The following MAPKAP1 variants were observed in gnomAD, a reference collection of about 807,000 sequenced individuals.
MAPKAP1 encodes the protein target of rapamycin complex 2 subunit MAPKAP1.
Under a neutral mutation model 65.7 loss-of-function variants are expected in MAPKAP1, and 20 were observed. The observed-to-expected ratio is 0.30, with a 90% confidence interval of 0.21 to 0.44. The LOEUF (loss-of-function observed/expected upper bound fraction) is 0.44, where lower values mean the gene tolerates loss of function less well. Ranked by LOEUF, MAPKAP1 falls within the 20% of genes least tolerant of loss-of-function variation. The pLI, the probability that MAPKAP1 is intolerant of heterozygous loss-of-function variation, is 1.00. For missense variants in MAPKAP1, 423 were observed against 648.0 expected, an observed-to-expected ratio of 0.65 and a Z score of 3.77; for synonymous variants, 222 against 244.3, an observed-to-expected ratio of 0.91 and a Z score of 0.85.
rs1854424494 is a variant in MAPKAP1 at position 125,484,474 on chromosome 9, G to A, written c.1176C>T (p.His392=). 5 of 1,612,976 alleles carry A rather than the reference G, an allele frequency of 3.1e-6. No homozygotes were observed. Among genetic ancestry groups the A allele is most frequent in the Admixed American group, 1.7e-5 (1 of 59,880 alleles). ...GTACGTCGGTTGTGAATCGCAGTCT[G>A]TGGATCATGCTGACTTTGAATGACT... The part of the protein sequence containing the change: ...HYKSFKVSMI[H]RLRFTTDVQL... The change falls in exon 9 of 12, where the codon CAC becomes CAT. Residue 392 remains histidine (H), a synonymous_variant. Coordinates refer to ENST00000265960, the MANE Select transcript of MAPKAP1 (RefSeq NM_001006617.3).
At chr9:125,606,288 T>C (rs1050187723) in intron 4 of MAPKAP1, among the ~76,000 whole-genome samples, 1 of 151,762 alleles carries the variant, frequency 6.6e-6, no homozygotes, top group African/African-American at 2.4e-5. Context: ...AAAGAGTATA[T>C]GGGAAAAATT....
chr9:125,585,483 C>T, intron 5 of MAPKAP1, 72 bp downstream of exon 5: 2 of 1,529,610 alleles, frequency 1.3e-6, no homozygotes, highest in Non-Finnish European at 1.8e-6. Context: ...GAAAGACTAA[C>T]CAGCCTAGAA....
intron 6 of MAPKAP1, among the ~76,000 whole-genome samples, chr9:125,557,950 G>A (rs1004835574): frequency 7.9e-5 from 12 of 152,148 alleles, no homozygotes; most frequent in African/African-American, 2.7e-4. Flanking sequence ...TCCGCCTCCC[G>A]GGTTCCAGCG....
intron 6 of MAPKAP1, among the ~76,000 whole-genome samples, chr9:125,556,356 G>T (rs547470663): frequency 1.6e-3 from 240 of 152,358 alleles, no homozygotes; most frequent in Non-Finnish European, 2.5e-3. Flanking sequence ...GAGATTCACA[G>T]GTTAAACCAA....
chr9:125,571,425 G>A (rs757477612), intron 5 of MAPKAP1, among the ~76,000 whole-genome samples: 1 of 152,206 alleles, frequency 6.6e-6, no homozygotes, highest in Non-Finnish European at 1.5e-5. Flanking sequence ...TTTGGAAATT[G>A]TAAGATTAGA....
intron 8 of MAPKAP1, among the ~76,000 whole-genome samples, chr9:125,488,245 C>T (rs1854566992): frequency 6.6e-6 from 1 of 152,168 alleles, no homozygotes; most frequent in Admixed American, 6.5e-5. Flanking sequence ...GATAACAGCA[C>T]CTGAGGGAGT....
At position 125,447,544 on chromosome 9, in the gene MAPKAP1, C is replaced by T. The variant is rs908355614; in HGVS notation, c.1346-2946G>A. 4.4e-6 allele frequency: 2 copies of T among 451,912 alleles called. No homozygotes were observed. Among genetic ancestry groups the T allele is most frequent in the Admixed American group, 2.4e-5 (1 of 42,358 alleles). 28.0% of individuals were successfully genotyped at this position (451,912 alleles called of 1,614,324 possible). On this transcript the variant is annotated intron_variant, in intron 10 of 11. Transcript: ENST00000265960. This position sits in a 1 kb window ranked among gnomAD's most constrained non-coding sequence, Gnocchi z 4.5. The stretch of plus-strand genomic sequence containing the variant: ...CCATGCTGGGCCATAGGACATGGGG[C>T]GGACTCACTCCGCGGGCGTTTCTGC...
intron 4 of MAPKAP1, among the ~76,000 whole-genome samples, chr9:125,601,029 A>C (rs948297687): frequency 6.6e-6 from 1 of 152,214 alleles, no homozygotes; most frequent in Non-Finnish European, 1.5e-5. Flanking sequence ...TTTAAACCAT[A>C]AAGAAGAGTT....
chr9:125,441,334 T>C (rs1202574246), intron 11 of MAPKAP1, among the ~76,000 whole-genome samples: 1 of 152,142 alleles, frequency 6.6e-6, no homozygotes, highest in Non-Finnish European at 1.5e-5. Context: ...CTGGAGCTTC[T>C]CGGGCCAGGT....
intron 5 of MAPKAP1, among the ~76,000 whole-genome samples, chr9:125,580,106 A>G (rs949695214): frequency 1.3e-5 from 2 of 152,228 alleles, no homozygotes; most frequent in African/African-American, 4.8e-5. Flanking sequence ...AACTAGTTCA[A>G]CCATTGTGGA....
chr9:125,659,472 A>G (rs901256458), intron 3 of MAPKAP1, among the ~76,000 whole-genome samples: 18 of 152,074 alleles, frequency 1.2e-4, no homozygotes, highest in African/African-American at 4.3e-4. Flanking sequence ...AGGCTTGGAG[A>G]ATAGAAACAA....
intron 3 of MAPKAP1, among the ~76,000 whole-genome samples, chr9:125,660,910 T>C (rs1834166786): frequency 2.0e-5 from 3 of 152,126 alleles, no homozygotes; most frequent in Middle Eastern, 3.4e-3. Flanking sequence ...AGGAGAAAAA[T>C]TGATAAACCT....
chr9:125,693,726 T>TATAC lies in MAPKAP1; in HGVS notation c.-70+13244_-70+13245insGTAT, dbSNP rs766371547. 2.9e-3 allele frequency among the ~76,000 whole-genome samples: 362 copies of TATAC among 122,924 alleles called. 13 individuals are homozygous for TATAC. The highest frequency in any genetic ancestry group is 5.7e-3 in the African/African-American group (119 of 20,990). 80.6% of individuals were successfully genotyped at this position (122,924 alleles called of 152,430 possible). A position where few individuals can be genotyped will look rare whatever the true frequency, so the allele number is the denominator to read the frequency against. ...ATATATACACATATATACACGTATA[T>TATAC]ACACATATATACACGTATATATACA... is the stretch of plus-strand genomic sequence containing the variant. On this transcript the variant is annotated intron_variant, in intron 1 of 11. Coordinates refer to ENST00000265960, the MANE Select transcript of MAPKAP1 (RefSeq NM_001006617.3).
chr9:125,653,595 T>C (rs1833951748), intron 4 of MAPKAP1, among the ~76,000 whole-genome samples: 1 of 152,190 alleles, frequency 6.6e-6, no homozygotes, highest in South Asian at 2.1e-4. Context: ...CTTCAGCTTA[T>C]GATATTCAAT....
At chr9:125,465,836 T>C (rs1158577986) in intron 10 of MAPKAP1, among the ~76,000 whole-genome samples, 1 of 152,114 alleles carries the variant, frequency 6.6e-6, no homozygotes, top group Non-Finnish European at 1.5e-5. Flanking sequence ...ACACTGGAGC[T>C]GGGTCTTGAA....
rs117130145 is a variant in MAPKAP1 at position 125,516,147 on chromosome 9, G to A, written c.959-9730C>T. 4.8e-3 allele frequency among the ~76,000 whole-genome samples: 724 copies of A among 152,254 alleles called. 1 individual carries two copies. The highest frequency in any genetic ancestry group is 0.01 in the Middle Eastern group (3 of 294). Reference sequence around the variant, plus strand: ...CCTGATTTTACTGAAAGAAGACGCCGTCTACAAGACAAATCACTTTCAAAC... The same window carrying A: ...CCTGATTTTACTGAAAGAAGACGCCATCTACAAGACAAATCACTTTCAAAC... On this transcript the variant is annotated intron_variant, in intron 7 of 11. Transcript: ENST00000265960.
At chr9:125,487,997 T>C in intron 8 of MAPKAP1, among the ~76,000 whole-genome samples, 1 of 152,212 alleles carries the variant, frequency 6.6e-6, no homozygotes, top group Non-Finnish European at 1.5e-5. Context: ...AGGATTTTAG[T>C]AGAGGTCTTA....
chr9:125,618,488 A>C (rs914031845), intron 4 of MAPKAP1, among the ~76,000 whole-genome samples: 7 of 152,076 alleles, frequency 4.6e-5, no homozygotes, highest in South Asian at 2.1e-4. Context: ...TTCAAGTTCT[A>C]ACTTCAGTTG....
intron 7 of MAPKAP1, among the ~76,000 whole-genome samples, chr9:125,526,616 GGTT>G (rs1176625425): frequency 6.6e-6 from 1 of 152,158 alleles, no homozygotes; most frequent in African/African-American, 2.4e-5. Flanking sequence ...TGAAATGAAT[GGTT>G]TGCTTTTAGG....
Sources: allele counts gnomAD v4.1 joint callset (sites outside exome capture counted in the v4.1 genomes callset), GRCh38; gene constraint gnomAD v4.1.1; non-coding constraint Gnocchi (gnomAD v3.1); transcripts MANE v1.5; gene names NCBI Gene and HGNC (gene_info 2026-07-23, HGNC 2026-07-21).